Variants in FMN2 observed in about 807,000 individuals in gnomAD.
The protein encoded by FMN2 is formin-2.
A neutral mutation model predicts 142.3 loss-of-function variants in FMN2; 51 were observed. The ratio of observed to expected loss-of-function variants is 0.36; its 90% CI spans 0.29 to 0.45. FMN2 has a LOEUF of 0.45. Among genes scored for constraint, FMN2 ranks in the 20% least tolerant of loss-of-function variants. The pLI is 1.00. For synonymous variants in FMN2, 882 were observed against 869.8 expected, an observed-to-expected ratio of 1.01 and a Z score of -0.25; for missense variants, 1,936 against 2,122.8, an observed-to-expected ratio of 0.91 and a Z score of 1.73.
intron 15 of FMN2, among the ~76,000 whole-genome samples, chr1:240,430,798 C>G (rs1245346044): frequency 2.6e-5 from 4 of 151,182 alleles, no homozygotes; most frequent in African/African-American, 9.7e-5. Flanking sequence ...CTTGTATGTG[C>G]AAATCTCCTT....
At chr1:240,214,350 G>A (rs926945641) in intron 6 of FMN2, among the ~76,000 whole-genome samples, 2 of 151,970 alleles carry the variant, frequency 1.3e-5, no homozygotes, top group African/African-American at 2.4e-5. Flanking sequence ...AGGAGATGGA[G>A]ACCATCCTGG....
chr1:240,373,275 G>C (rs1329092036), intron 14 of FMN2, among the ~76,000 whole-genome samples: 1 of 152,154 alleles, frequency 6.6e-6, no homozygotes, highest in South Asian at 2.1e-4. Context: ...GTTGACAGCT[G>C]CTCGCTGACA....
At chr1:240,130,776 T>G (rs1259204538) in intron 2 of FMN2, among the ~76,000 whole-genome samples, 1 of 152,212 alleles carries the variant, frequency 6.6e-6, no homozygotes, top group Non-Finnish European at 1.5e-5. Context: ...TCCCCCTGTA[T>G]TCTCAATATT....
At position 240,247,991 on chromosome 1, in the gene FMN2, A is replaced by C. The variant is rs115923972; in HGVS notation, c.4066-9954A>C. 8.7e-3 allele frequency among the ~76,000 whole-genome samples: 1,323 copies of C among 152,230 alleles called. 18 individuals are homozygous for C. Among genetic ancestry groups the C allele is most frequent in the African/African-American group, 0.031 (1,288 of 41,546 alleles). On this transcript the variant is annotated intron_variant, in intron 6 of 17. Transcript: ENST00000319653. The stretch of plus-strand genomic sequence containing the variant: ...TCCTTTCTTCTAGCTATGTTGTAAT[A>C]TATAATACATTGTTGTTAACTATGC...
chr1:240,236,676 G>A (rs1374236120), intron 6 of FMN2, among the ~76,000 whole-genome samples: 2 of 152,210 alleles, frequency 1.3e-5, no homozygotes, highest in East Asian at 3.9e-4. Flanking sequence ...AGGAGGAAGT[G>A]CCAGCCTCTT....
At chr1:240,201,596 C>T (rs1376168246) in intron 4 of FMN2, among the ~76,000 whole-genome samples, 1 of 151,956 alleles carries the variant, frequency 6.6e-6, no homozygotes, top group East Asian at 1.9e-4. Context: ...TATCATGGCA[C>T]CATATATTTT....
chr1:240,167,219 G>A (rs1007083118), intron 2 of FMN2, among the ~76,000 whole-genome samples: 2 of 152,148 alleles, frequency 1.3e-5, no homozygotes, highest in Non-Finnish European at 2.9e-5. Flanking sequence ...GTGCCAATTT[G>A]TATCTCACTG....
At chr1:240,468,373 C>T (rs1676701947) in intron 16 of FMN2, among the ~76,000 whole-genome samples, 1 of 148,272 alleles carries the variant, frequency 6.7e-6, no homozygotes, top group African/African-American at 2.5e-5. Context: ...ATGCACAGAG[C>T]TGTGTCTCTG....
chr1:240,349,805 T>G (rs1672029841), intron 13 of FMN2, among the ~76,000 whole-genome samples: 1 of 152,246 alleles, frequency 6.6e-6, no homozygotes. Flanking sequence ...ATGATTGGAA[T>G]TACTCGGTTA....
chr1:240,242,176 G>A (rs1024479219), intron 6 of FMN2, among the ~76,000 whole-genome samples: 3 of 152,128 alleles, frequency 2.0e-5, no homozygotes, highest in African/African-American at 4.8e-5. Context: ...ACTGGAACAC[G>A]TATGTCTTAG....
chr1:240,171,029 G>T (rs1664682889), intron 2 of FMN2: 4 of 935,534 alleles, frequency 4.3e-6, no homozygotes, highest in African/African-American at 3.2e-5. Context: ...CAGGGCTGGG[G>T]CGTCAGTGTG....
chr1:240,328,133 G>A (rs1364509120), intron 8 of FMN2, among the ~76,000 whole-genome samples: 1 of 65,112 alleles, frequency 1.5e-5, no homozygotes, highest in East Asian at 5.0e-4. Context: ...GGGTGACGGA[G>A]CAAGACCCCA....
At chr1:240,400,237 G>C (rs1249886187) in intron 15 of FMN2, among the ~76,000 whole-genome samples, 1 of 152,118 alleles carries the variant, frequency 6.6e-6, no homozygotes, top group African/African-American at 2.4e-5. Context: ...ATGAGCATCA[G>C]ATCAGGAGGT....
At chr1:240,456,648 G>C (rs146416965) in intron 16 of FMN2, among the ~76,000 whole-genome samples, 2,258 of 152,196 alleles carry the variant, frequency 0.015, 53 homozygotes, top group African/African-American at 0.052. Flanking sequence ...TAGAGACAGG[G>C]TTTCTCCATG....
intron 14 of FMN2, among the ~76,000 whole-genome samples, chr1:240,366,303 C>T (rs1344586673): frequency 1.3e-5 from 2 of 151,988 alleles, no homozygotes; most frequent in Non-Finnish European, 2.9e-5. Context: ...TTTATCATTC[C>T]GATGTTTATT....
intron 4 of FMN2, among the ~76,000 whole-genome samples, chr1:240,191,616 G>T (rs1030052842): frequency 7.2e-5 from 11 of 152,166 alleles, no homozygotes; most frequent in African/African-American, 2.7e-4. Context: ...TATTTAAACT[G>T]TAAAGCCTTT....
chr1:240,249,571 A>G (rs1436877147), intron 6 of FMN2, among the ~76,000 whole-genome samples: 1 of 151,752 alleles, frequency 6.6e-6, no homozygotes, highest in African/African-American at 2.4e-5. Flanking sequence ...TTTGCTCCGG[A>G]TTGCTTTGTC....
chr1:240,374,914 A>C (rs750054615), intron 14 of FMN2, among the ~76,000 whole-genome samples: 5 of 151,802 alleles, frequency 3.3e-5, no homozygotes, highest in Non-Finnish European at 5.9e-5. Context: ...TTGATTTGTA[A>C]CTCTTTTTTC....
intron 7 of FMN2, among the ~76,000 whole-genome samples, chr1:240,281,401 T>G (rs1391146096): frequency 6.6e-6 from 1 of 152,136 alleles, no homozygotes; most frequent in African/African-American, 2.4e-5. Context: ...CTAGGACATA[T>G]GGTATTTTAA....
Sources: gnomAD v4.1 joint callset for allele counts (sites outside exome capture counted in the v4.1 genomes callset) on GRCh38, gnomAD v4.1.1 for gene constraint, MANE v1.5 for transcripts, NCBI Gene and HGNC (gene_info 2026-07-23, HGNC 2026-07-21) for gene names.